The following TCF12 variants were observed in gnomAD, a reference collection of about 807,000 sequenced individuals.
TCF12 encodes the protein transcription factor 12.
TCF12 carries 45 observed loss-of-function variants against 86.0 expected under a neutral mutation model. The ratio of observed to expected loss-of-function variants is 0.52; its 90% CI spans 0.41 to 0.67. The LOEUF (loss-of-function observed/expected upper bound fraction) is 0.67, where lower values mean the gene tolerates loss of function less well. Among genes scored for constraint, TCF12 ranks in the 30% least tolerant of loss-of-function variants. The probability of loss-of-function intolerance (pLI) is 0.00; values close to 1 mark genes in which losing one functional copy is unlikely to be tolerated. For synonymous variants in TCF12, 330 were observed against 299.6 expected (o/e 1.10, Z -1.05); for missense variants, 881 against 859.9 (o/e 1.02, Z -0.31).
At chr15:57,051,342 TA>T (rs2067599983) in intron 3 of TCF12, among the ~76,000 whole-genome samples, 1 of 152,222 alleles carries the variant, frequency 6.6e-6, no homozygotes, top group African/African-American at 2.4e-5. Flanking sequence ...TGAGAGGTCA[TA>T]AAGATTGGAG....
intron 3 of TCF12, among the ~76,000 whole-genome samples, chr15:57,039,925 A>G (rs1363772200): frequency 6.6e-6 from 1 of 152,166 alleles, no homozygotes; most frequent in Non-Finnish European, 1.5e-5. Context: ...ATTTCTTTAT[A>G]TTAATATAAC....
intron 4 of TCF12, among the ~76,000 whole-genome samples, chr15:57,075,465 A>G (rs72731904): frequency 0.02 from 2,984 of 152,296 alleles, 46 homozygotes; most frequent in Middle Eastern, 0.034. Context: ...GTTGTGGAAA[A>G]CAAAAATCAT....
chr15:56,960,388 A>G (rs2061689697), intron 3 of TCF12, among the ~76,000 whole-genome samples: 1 of 150,446 alleles, frequency 6.6e-6, no homozygotes, highest in South Asian at 2.1e-4. Context: ...TTTTGATGTT[A>G]TGTCCAAAAG....
intron 5 of TCF12, among the ~76,000 whole-genome samples, chr15:57,104,435 C>CTTTTTTTTT (rs71113062): frequency 1.1e-4 from 11 of 103,356 alleles, no homozygotes; most frequent in Admixed American, 2.5e-4. Context: ...TTTTTTTTTT[C>CTTTTTTTTT]TTTTTTTTTT....
intron 11 of TCF12, among the ~76,000 whole-genome samples, 196 bp downstream of exon 11, chr15:57,233,052 A>G (rs552797169): frequency 3.6e-5 from 5 of 140,104 alleles, no homozygotes; most frequent in Non-Finnish European, 7.9e-5. Context: ...ATATATGTAT[A>G]TGTGTTATAT....
At chr15:57,199,989 C>G (rs1330706487) in intron 8 of TCF12, among the ~76,000 whole-genome samples, 1 of 151,634 alleles carries the variant, frequency 6.6e-6, no homozygotes, top group East Asian at 1.9e-4. Context: ...TCAAGCGACC[C>G]TTCCACCTCA....
In TCF12 at chr15:57,024,253, C is replaced by T. The variant is rs374896809; in HGVS notation, c.149-39497C>T. 1.0e-4 allele frequency among the ~76,000 whole-genome samples: 13 copies of T among 128,176 alleles called. 1 individual carries two copies. Among genetic ancestry groups the T allele is most frequent in the South Asian group, 1.0e-3 (4 of 3,954 alleles). The allele number at this position is 128,176 out of a possible 152,430, so 84.1% of individuals were successfully genotyped here. ...TTTTTTTTTTTTTGAGACGGAGTCT[C>T]GCTCTGTCTCCTAGGTTAGAGTGAG... On this transcript the variant is annotated intron_variant, in intron 3 of 20. Coordinates refer to ENST00000333725, the MANE Select transcript of TCF12 (RefSeq NM_207037.2).
At chr15:57,092,054 T>A (rs1362663401) in intron 5 of TCF12, 163 bp downstream of exon 5, 2 of 503,118 alleles carry the variant, frequency 4.0e-6, no homozygotes, top group African/African-American at 3.8e-5. Flanking sequence ...GAGGATCAAA[T>A]GTCCAGAAAA....
chr15:57,091,162 A>AGG (rs1313400070), intron 4 of TCF12, among the ~76,000 whole-genome samples: 3 of 152,170 alleles, frequency 2.0e-5, no homozygotes, highest in African/African-American at 7.2e-5. Context: ...CAGTTTCTGT[A>AGG]GGAGTATATA....
At chr15:57,219,411 C>G in intron 8 of TCF12, 1 of 1,391,890 alleles carries the variant, frequency 7.2e-7, no homozygotes. Flanking sequence ...TTGAGTAGAT[C>G]CATGTGTGAA....
Position 57,192,282 on chromosome 15 carries a change from C to T in TCF12, c.515C>T (p.Ser172Phe), listed in dbSNP as rs758487665. 1 of 1,614,058 alleles carries T rather than the reference C, an allele frequency of 6.2e-7. No individual in the cohort carries two copies. Among genetic ancestry groups the T allele is most frequent in the South Asian group, 1.1e-5 (1 of 91,076 alleles). The change falls in exon 7 of 21, where the codon TCT (serine) becomes TTT (phenylalanine). Residue 172 changes from serine to phenylalanine, a missense_variant. Physicochemically the swap from Ser to Phe is radical, Grantham distance 155. This residue lies in a region of TCF12 where 766 missense variants were observed against 718.9 expected (regional missense o/e 1.07). Transcript: ENST00000333725. The stretch of plus-strand genomic sequence containing the variant: ...TCCAGGAGGAGACCACTCCATGACT[C>T]TGCAGCGCTTGGTGAGTGTATCACA... ...TSSRRRPLHDSAALDPLQAKK... is the reference protein window; with the variant it reads ...TSSRRRPLHDFAALDPLQAKK...
intron 3 of TCF12, among the ~76,000 whole-genome samples, chr15:56,941,453 AC>A (rs1464882402): frequency 7.3e-5 from 11 of 151,512 alleles, no homozygotes; most frequent in Non-Finnish European, 1.5e-4. Context: ...GCTCACTGCA[AC>A]CTCTGGCTCC....
At chr15:57,267,760 C>T (rs1482303145) in intron 18 of TCF12, among the ~76,000 whole-genome samples, 1 of 152,042 alleles carries the variant, frequency 6.6e-6, no homozygotes, top group Non-Finnish European at 1.5e-5. Context: ...AGTAATAGTC[C>T]ATAATAATGA....
intron 19 of TCF12, among the ~76,000 whole-genome samples, chr15:57,275,841 G>T (rs1275939393): frequency 6.6e-6 from 1 of 152,142 alleles, no homozygotes; most frequent in Non-Finnish European, 1.5e-5. Flanking sequence ...AGCAGACCCA[G>T]GTCTAGCAGT....
chr15:57,221,043 A>G (rs2058566797), intron 8 of TCF12, among the ~76,000 whole-genome samples: 1 of 152,224 alleles, frequency 6.6e-6, no homozygotes, highest in Admixed American at 6.5e-5. Context: ...TATGGCTACA[A>G]CTAGGATACT....
At chr15:56,920,896 A>C in intron 2 of TCF12, 130 bp from the exon 3 acceptor site, 1 of 606,102 alleles carries the variant, frequency 1.6e-6, no homozygotes, top group Non-Finnish European at 2.8e-6. Flanking sequence ...CTGGATCTGA[A>C]TGTATCTCCA....
At chr15:56,944,617 T>C (rs1461169873) in intron 3 of TCF12, among the ~76,000 whole-genome samples, 5 of 152,230 alleles carry the variant, frequency 3.3e-5, no homozygotes, top group Middle Eastern at 3.4e-3. Flanking sequence ...AGTAGAAAGA[T>C]TGGCTGGCAG....
At chr15:57,014,604 G>A (rs1567254944) in intron 3 of TCF12, among the ~76,000 whole-genome samples, 1 of 152,120 alleles carries the variant, frequency 6.6e-6, no homozygotes, top group Admixed American at 6.5e-5. Context: ...TGGGCATGAT[G>A]TCTTTTTCTT....
At chr15:57,199,485 A>T (rs1423524453) in intron 8 of TCF12, among the ~76,000 whole-genome samples, 1 of 152,232 alleles carries the variant, frequency 6.6e-6, no homozygotes, top group Non-Finnish European at 1.5e-5. Flanking sequence ...CTCATTTCTT[A>T]ACCTGACATT....
Sources: gnomAD v4.1 joint callset for allele counts (sites outside exome capture counted in the v4.1 genomes callset) on GRCh38, gnomAD v4.1.1 for gene constraint, gnomAD v4.1.1 regional missense constraint, MANE v1.5 for transcripts, NCBI Gene and HGNC (gene_info 2026-07-23, HGNC 2026-07-21) for gene names.